The following ZMYM1 variants were observed in gnomAD, a reference collection of about 807,000 sequenced individuals.
The protein encoded by ZMYM1 is zinc finger MYM-type containing 1, also known as zinc finger MYM-type protein 1.
In ZMYM1, 39 loss-of-function variants were observed where a neutral mutation model predicts 60.0. The observed-to-expected ratio is 0.65, with a 90% CI of 0.50 to 0.85. The LOEUF is 0.85. ZMYM1 is among the 40% of genes least tolerant of loss of function. ZMYM1 has a pLI of 0.00. For synonymous variants in ZMYM1, 413 were observed against 454.0 expected, an observed-to-expected ratio of 0.91 and a Z score of 1.15; for missense variants, 1,171 against 1,309.5, an observed-to-expected ratio of 0.89 and a Z score of 1.63.
intron 1 of ZMYM1, among the ~76,000 whole-genome samples, chr1:35,060,822 G>T (rs1201237689): frequency 6.6e-6 from 1 of 152,180 alleles, no homozygotes; most frequent in East Asian, 1.9e-4. Flanking sequence ...CTAGGGCCCA[G>T]CCCTATGCCT....
intron 4 of ZMYM1, among the ~76,000 whole-genome samples, chr1:35,102,695 T>C (rs1003862449): frequency 1.3e-5 from 2 of 152,232 alleles, no homozygotes; most frequent in Non-Finnish European, 2.9e-5. Flanking sequence ...GTAAACTGTT[T>C]ACAGTACTTT....
At position 35,097,445 on chromosome 1, in the gene ZMYM1, C is replaced by G. The variant is rs1169789620; in HGVS notation, c.298C>G (p.Gln100Glu). The G allele has an allele frequency of 1.2e-6, 2 of 1,614,024 alleles. No homozygotes were observed. Among genetic ancestry groups the G allele is most frequent in the Non-Finnish European group, 1.7e-6 (2 of 1,180,030 alleles). The part of the protein sequence containing the change: ...AGCKKILQKG[Q>E]TAYQRKGSAQ... ...TTGTAAAAAAATTCTCCAGAAGGGG[C>G]AAACTGCTTATCAGAGGAAAGGATC... The change falls in exon 4 of 10, where the codon CAA (glutamine) becomes GAA (glutamate). Residue 100 changes from glutamine to glutamate, a missense_variant. Coordinates refer to ENST00000359858, the MANE Select transcript of ZMYM1 (RefSeq NM_024772.5).
intron 1 of ZMYM1, among the ~76,000 whole-genome samples, chr1:35,060,915 G>A (rs1641863516): frequency 6.6e-6 from 1 of 152,224 alleles, no homozygotes. Context: ...GAGCTCACAG[G>A]ACAGTATGCT....
downstream of ZMYM1, among the ~76,000 whole-genome samples, chr1:35,116,944 C>T (rs1452214942): frequency 7.4e-6 from 1 of 135,060 alleles, no homozygotes; most frequent in African/African-American, 2.7e-5. Flanking sequence ...TCCGGGTTCA[C>T]GCCATTCTCC....
chr1:35,116,835 A>ATTT (rs10671957), downstream of ZMYM1, among the ~76,000 whole-genome samples: 12,302 of 88,904 alleles, frequency 0.14, 4,022 homozygotes, highest in Admixed American at 0.18. Context: ...TAGGCCTGGA[A>ATTT]TTTTTTTTTT....
intron 1 of ZMYM1, among the ~76,000 whole-genome samples, chr1:35,072,242 T>G (rs1479896478): frequency 6.6e-6 from 1 of 152,240 alleles, no homozygotes; most frequent in African/African-American, 2.4e-5. Flanking sequence ...TTCAATTTCC[T>G]CACTCATTTT....
chr1:35,118,807 C>T (rs1490778192), downstream of ZMYM1, among the ~76,000 whole-genome samples: 1 of 152,166 alleles, frequency 6.6e-6, no homozygotes, highest in East Asian at 1.9e-4. Context: ...AATAAACTTA[C>T]ATTAAGTATA....
upstream of ZMYM1, among the ~76,000 whole-genome samples, chr1:35,078,740 G>T (rs1467013580): frequency 6.6e-6 from 1 of 151,488 alleles, no homozygotes; most frequent in Non-Finnish European, 1.5e-5. Flanking sequence ...ATAGAGACGG[G>T]GTTTCACCAT....
rs1644044403 is a variant in ZMYM1 at position 35,110,309 on chromosome 1, C to T, written c.823C>T (p.Leu275Phe). 1.3e-6 allele frequency: 2 copies of T among 1,541,352 alleles called. No individual in the cohort carries two copies. The highest frequency in any genetic ancestry group is 1.7e-6 in the Non-Finnish European group (2 of 1,149,940). Residue 275 changes from leucine to phenylalanine, a missense_variant, in exon 7 of 10, where the codon CTT becomes TTT. Physicochemically the swap from Leu to Phe is conservative, Grantham distance 22. Coordinates refer to ENST00000359858, the MANE Select transcript of ZMYM1 (RefSeq NM_024772.5). The stretch of plus-strand genomic sequence containing the variant: ...CTCTAAACAGAAACCTGCCAAACCA[C>T]TTATATCTGTTCCTTGCAAACCATT... Reference protein sequence around the residue: ...TAYKQKPAKPLISVPCKPLKP... With the variant: ...TAYKQKPAKPFISVPCKPLKP...
chr1:35,075,818 T>C (rs1234837235), upstream of ZMYM1, among the ~76,000 whole-genome samples: 1 of 152,208 alleles, frequency 6.6e-6, no homozygotes, highest in Non-Finnish European at 1.5e-5. Context: ...AAGGCAGCTT[T>C]ACTTCCAGGA....
At chr1:35,074,654 G>A (rs1035889635), upstream of ZMYM1, among the ~76,000 whole-genome samples, 13 of 152,006 alleles carry the variant, frequency 8.6e-5, no homozygotes, top group African/African-American at 2.2e-4. Flanking sequence ...TGATCCACCC[G>A]CCTCAGCCTC....
At chr1:35,088,454 A>ATATATGTGTGTGTG (rs1464546786) in intron 1 of ZMYM1, among the ~76,000 whole-genome samples, 29 of 107,244 alleles carry the variant, frequency 2.7e-4, no homozygotes, top group African/African-American at 1.2e-3. Flanking sequence ...ATATATATAT[A>ATATATGTGTGTGTG]TGTGTGTGTG....
chr1:35,109,639 A>G (rs930564828), intron 6 of ZMYM1, among the ~76,000 whole-genome samples: 1 of 152,120 alleles, frequency 6.6e-6, no homozygotes, highest in Non-Finnish European at 1.5e-5. Flanking sequence ...TTCCCAAGTT[A>G]ATTCCCAAGC....
chr1:35,084,333 T>C (rs1642546800), intron 1 of ZMYM1, among the ~76,000 whole-genome samples: 1 of 152,222 alleles, frequency 6.6e-6, no homozygotes, highest in Admixed American at 6.5e-5. Flanking sequence ...CAGTCAGTTT[T>C]GGGATTTTAA....
chr1:35,091,656 A>G (rs1643010161), intron 1 of ZMYM1, among the ~76,000 whole-genome samples: 1 of 151,136 alleles, frequency 6.6e-6, no homozygotes, highest in African/African-American at 2.4e-5. Flanking sequence ...GCACTTTGGG[A>G]GGCTGAGGTG....
At chr1:35,091,458 C>T (rs986325872) in intron 1 of ZMYM1, among the ~76,000 whole-genome samples, 3 of 152,096 alleles carry the variant, frequency 2.0e-5, no homozygotes, top group African/African-American at 7.2e-5. Flanking sequence ...CATGATCCAC[C>T]CGCCTCAGCC....
intron 1 of ZMYM1, among the ~76,000 whole-genome samples, chr1:35,068,639 C>CAAA (rs765098508): frequency 1.2e-4 from 16 of 137,840 alleles, no homozygotes; most frequent in African/African-American, 3.6e-4. Context: ...AATCCATACG[C>CAAA]AAAAAAAAAA....
In ZMYM1 at chr1:35,113,191, G is replaced by C. The variant is rs7552714; in HGVS notation, c.1361G>C (p.Arg454Pro). Residue 454 changes from arginine to proline, a missense_variant, in exon 10 of 10, where the codon CGA becomes CCA. Transcript: ENST00000359858. ...SKVQKVKGKS[R>P]SIKKSCCADF... Reference sequence around the variant, plus strand: ...GTACAAAAAGTTAAAGGTAAATCACGAAGTATTAAAAAATCTTGTTGTGCA... The same window carrying C: ...GTACAAAAAGTTAAAGGTAAATCACCAAGTATTAAAAAATCTTGTTGTGCA... 6.2e-7 allele frequency: 1 copy of C among 1,613,422 alleles called. No homozygotes were observed. Among genetic ancestry groups the C allele is most frequent in the Admixed American group, 1.7e-5 (1 of 59,978 alleles).
intron 1 of ZMYM1, among the ~76,000 whole-genome samples, chr1:35,079,919 C>T (rs1009633722): frequency 6.6e-6 from 1 of 152,180 alleles, no homozygotes; most frequent in Non-Finnish European, 1.5e-5. Context: ...CGAGACCAGC[C>T]TGGCCAACAT....
Sources: gnomAD v4.1 joint callset for allele counts (sites outside exome capture counted in the v4.1 genomes callset) on GRCh38, gnomAD v4.1.1 for gene constraint, MANE v1.5 for transcripts, NCBI Gene and HGNC (gene_info 2026-07-23, HGNC 2026-07-21) for gene names.